The following DPYD variants were observed in gnomAD, a reference collection of about 807,000 sequenced individuals.
DPYD encodes dihydropyrimidine dehydrogenase, also known as dihydropyrimidine dehydrogenase [NADP(+)].
In DPYD, 109 loss-of-function variants were observed where a neutral mutation model predicts 116.2. The ratio of observed to expected loss-of-function variants is 0.94; its 90% CI spans 0.80 to 1.10. The LOEUF is 1.10. DPYD is among the 50% of genes least tolerant of loss of function. The probability of loss-of-function intolerance (pLI) is 0.00; values close to 1 mark genes in which losing one functional copy is unlikely to be tolerated. For missense variants in DPYD, 1,302 were observed against 1,254.5 expected (o/e 1.04, Z -0.57); for synonymous variants, 440 against 432.0 (o/e 1.02, Z -0.23).
intron 18 of DPYD, among the ~76,000 whole-genome samples, chr1:97,272,116 T>C (rs1397561003): frequency 6.6e-6 from 1 of 152,156 alleles, no homozygotes; most frequent in Non-Finnish European, 1.5e-5. Context: ...CTCAGCCAAG[T>C]CCTAGGAAAA....
chr1:97,184,985 C>T (rs1242052246), intron 20 of DPYD, among the ~76,000 whole-genome samples: 1 of 152,046 alleles, frequency 6.6e-6, no homozygotes, highest in Non-Finnish European at 1.5e-5. Flanking sequence ...AATAATTTAT[C>T]CTTTCAACAT....
chr1:97,188,065 G>A (rs1658117440), intron 20 of DPYD, among the ~76,000 whole-genome samples: 1 of 151,880 alleles, frequency 6.6e-6, no homozygotes, highest in South Asian at 2.1e-4. Context: ...CTCTTTTTTG[G>A]TTGCATATGA....
At chr1:97,613,271 T>C (rs529584320) in intron 8 of DPYD, among the ~76,000 whole-genome samples, 17 of 152,182 alleles carry the variant, frequency 1.1e-4, no homozygotes, top group Admixed American at 2.6e-4. Flanking sequence ...TGGTGGTTAA[T>C]AGTCAATTGA....
At chr1:97,194,787 C>T (rs1476211069) in intron 19 of DPYD, among the ~76,000 whole-genome samples, 4 of 151,984 alleles carry the variant, frequency 2.6e-5, no homozygotes, top group East Asian at 1.9e-4. Flanking sequence ...ACAGGCGTGA[C>T]CCACTGTGCC....
chr1:97,639,865 A>G (rs959782781), intron 8 of DPYD, among the ~76,000 whole-genome samples: 21 of 152,214 alleles, frequency 1.4e-4, no homozygotes, highest in Non-Finnish European at 3.1e-4. Context: ...ACGCATGTGT[A>G]TGAACAGATG....
chr1:97,916,527 TG>T (rs1389422545), intron 1 of DPYD, among the ~76,000 whole-genome samples: 1 of 152,164 alleles, frequency 6.6e-6, no homozygotes, highest in African/African-American at 2.4e-5. Flanking sequence ...TTTTTAAAAG[TG>T]AATTTTTCTT....
chr1:97,686,131 C>T (rs1217119985), intron 7 of DPYD, among the ~76,000 whole-genome samples: 1 of 151,976 alleles, frequency 6.6e-6, no homozygotes. Context: ...AAAAAATAAA[C>T]ACATAGACCA....
At chr1:97,177,008 C>T (rs1354987083) in intron 20 of DPYD, among the ~76,000 whole-genome samples, 2 of 151,918 alleles carry the variant, frequency 1.3e-5, no homozygotes, top group Non-Finnish European at 2.9e-5. Flanking sequence ...AGTATTTTTC[C>T]CACTCCTACT....
intron 2 of DPYD, among the ~76,000 whole-genome samples, chr1:97,863,505 A>G (rs1307822862): frequency 6.6e-6 from 1 of 151,884 alleles, no homozygotes; most frequent in East Asian, 1.9e-4. Flanking sequence ...AAAGACTCAG[A>G]AGTAGTAAAT....
At chr1:97,887,893 G>A (rs543920840) in intron 1 of DPYD, among the ~76,000 whole-genome samples, 4 of 152,082 alleles carry the variant, frequency 2.6e-5, no homozygotes, top group South Asian at 2.1e-4. Context: ...TGACTTTTCC[G>A]TCTTTGCTAA....
chr1:97,095,903 G>A (rs1650211762), intron 21 of DPYD: 1 of 152,134 alleles, frequency 6.6e-6, no homozygotes, highest in Non-Finnish European at 1.5e-5. Context: ...AGAAGGCCAA[G>A]GTAGTGGAAA....
At chr1:97,678,951 C>T (rs1660292233) in intron 8 of DPYD, 144 bp downstream of exon 8, 1 of 404,954 alleles carries the variant, frequency 2.5e-6, no homozygotes, top group Non-Finnish European at 4.4e-6. Context: ...AATTTAGTTA[C>T]TTGGCCAATC....
At chr1:97,183,446 C>A (rs1259040582) in intron 20 of DPYD, among the ~76,000 whole-genome samples, 10 of 151,978 alleles carry the variant, frequency 6.6e-5, no homozygotes, top group African/African-American at 2.4e-4. Flanking sequence ...ACTTTCTATC[C>A]ATTACATTGA....
chr1:97,604,797 C>T (rs1014925887), intron 8 of DPYD, among the ~76,000 whole-genome samples: 1 of 151,990 alleles, frequency 6.6e-6, no homozygotes, highest in African/African-American at 2.4e-5. Flanking sequence ...ACATGTTTGA[C>T]CTTTTTGCAC....
chr1:97,790,592 C>T (rs1326877280), intron 3 of DPYD, among the ~76,000 whole-genome samples: 1 of 152,250 alleles, frequency 6.6e-6, no homozygotes, highest in South Asian at 2.1e-4. Flanking sequence ...TATTTTTCTG[C>T]AAAATGTGGA....
rs1673181548 is a variant in DPYD at position 97,898,246 on chromosome 1, C to T, written c.40-14872G>A. ...TGGGTCATTTTCCCACATGCGTATA[C>T]TAATCATTACTCTGTGGAGTACTCA... On this transcript the variant is annotated intron_variant, in intron 1 of 22. Transcript: ENST00000370192. 4.6e-5 allele frequency among the ~76,000 whole-genome samples: 7 copies of T among 151,786 alleles called. No homozygotes were observed. In the South Asian group the frequency reaches 1.5e-3, roughly 31 times the overall value.
intron 15 of DPYD, among the ~76,000 whole-genome samples, chr1:97,379,937 TG>T (rs1671851390): frequency 6.6e-6 from 1 of 152,248 alleles, no homozygotes; most frequent in East Asian, 1.9e-4. Context: ...CATTTCCTTG[TG>T]AAGTTGTGGC....
intron 3 of DPYD, among the ~76,000 whole-genome samples, chr1:97,805,223 T>G (rs1557974878): frequency 6.6e-6 from 1 of 151,790 alleles, no homozygotes; most frequent in African/African-American, 2.4e-5. Flanking sequence ...CATTTAAAAC[T>G]GTAAGTTTGA....
intron 13 of DPYD, among the ~76,000 whole-genome samples, chr1:97,467,227 C>T (rs1372877984): frequency 6.6e-6 from 1 of 152,184 alleles, no homozygotes; most frequent in Admixed American, 6.5e-5. Flanking sequence ...GAACTAAGGG[C>T]TGAACTTTGA....
Sources: allele counts gnomAD v4.1 joint callset (sites outside exome capture counted in the v4.1 genomes callset), GRCh38; gene constraint gnomAD v4.1.1; transcripts MANE v1.5; gene names NCBI Gene and HGNC (gene_info 2026-07-23, HGNC 2026-07-21).